Variants in LAMA2 observed in about 807,000 individuals in gnomAD.
LAMA2 encodes laminin subunit alpha 2.
In LAMA2, 269 loss-of-function variants were observed where a neutral mutation model predicts 364.8. The ratio of observed to expected loss-of-function variants is 0.74; its 90% confidence interval spans 0.67 to 0.82. LAMA2 has a LOEUF of 0.82. LAMA2 is among the 40% of genes least tolerant of loss of function. The pLI, the probability that LAMA2 is intolerant of heterozygous loss-of-function variation, is 0.00. For missense variants in LAMA2, 3,807 were observed against 3,873.2 expected, an observed-to-expected ratio of 0.98 and a Z score of 0.45; for synonymous variants, 1,379 against 1,370.6, an observed-to-expected ratio of 1.01 and a Z score of -0.14.
At chr6:129,024,314 A>G (rs1350157710) in intron 1 of LAMA2, among the ~76,000 whole-genome samples, 1 of 151,566 alleles carries the variant, frequency 6.6e-6, no homozygotes, top group African/African-American at 2.4e-5. Context: ...TTCCTAGAGG[A>G]AACAGAGTTA....
rs546421299 is a variant in LAMA2 at position 129,199,112 on chromosome 6, TAAC to T, written c.1782+6263_1782+6265del. On this transcript the variant is annotated intron_variant, in intron 12 of 64. Transcript: ENST00000421865. ...GATGAAAATATCCTAAATAAAATAT[TAAC>T]AACCCAAATCCATCAGTTTATAAAA... Among the ~76,000 whole-genome samples, 513 of 152,198 alleles carry T rather than the reference TAAC, an allele frequency of 3.4e-3. 5 individuals carry two copies. The highest frequency in any genetic ancestry group is 0.012 in the African/African-American group (484 of 41,550).
At chr6:129,314,913 T>C in intron 24 of LAMA2, 115 bp downstream of exon 24, 1 of 1,063,938 alleles carries the variant, frequency 9.4e-7, no homozygotes, top group Non-Finnish European at 1.4e-6. Context: ...AACCTTTTCC[T>C]CTGTGAACAT....
intron 28 of LAMA2, among the ~76,000 whole-genome samples, chr6:129,326,900 A>T (rs1775339171): frequency 6.6e-6 from 1 of 150,446 alleles, no homozygotes; most frequent in African/African-American, 2.4e-5. Context: ...AACCACTTTT[A>T]AATAGATCTT....
intron 1 of LAMA2, among the ~76,000 whole-genome samples, chr6:128,989,787 G>C (rs1455751872): frequency 6.6e-6 from 1 of 152,198 alleles, no homozygotes; most frequent in African/African-American, 2.4e-5. Context: ...TATAAGCAAA[G>C]ATAATTTATT....
Position 129,297,562 on chromosome 6 carries a change from CA to C in LAMA2, c.2857-122del, listed in dbSNP as rs1350645260. 29 of 846,524 alleles carry C rather than the reference CA, an allele frequency of 3.4e-5. No individual in the cohort carries two copies. The Middle Eastern group carries it at 1.0e-3, about 29-fold the overall frequency. 52.4% of individuals were successfully genotyped at this position (846,524 alleles called of 1,614,324 possible). On this transcript the variant is annotated intron_variant, in intron 20 of 64. Transcript: ENST00000421865. Reference sequence around the variant, plus strand: ...AATGAAAACCCAATTGTCATAACATCAGTGAGGAATCCTGATAACTCCTAAG... The same window carrying C: ...AATGAAAACCCAATTGTCATAACATCGTGAGGAATCCTGATAACTCCTAAG...
chr6:128,940,106 T>G (rs1562852270), intron 1 of LAMA2, among the ~76,000 whole-genome samples: 3 of 152,200 alleles, frequency 2.0e-5, no homozygotes, highest in East Asian at 1.9e-4. Context: ...TAATGGATTT[T>G]TTTTTGTTTG....
chr6:129,445,526 A>G, intron 44 of LAMA2, 141 bp from the exon 45 acceptor site: 1 of 710,750 alleles, frequency 1.4e-6, no homozygotes, highest in Non-Finnish European at 2.5e-6. Flanking sequence ...ATTTGCCATC[A>G]CACATTTTGC....
intron 1 of LAMA2, among the ~76,000 whole-genome samples, chr6:128,997,144 G>A (rs1784000428): frequency 6.6e-6 from 1 of 151,914 alleles, no homozygotes; most frequent in South Asian, 2.1e-4. Flanking sequence ...AGGGGTGGGA[G>A]GCAAGGGGAG....
chr6:129,328,132 AAAATCGGCACTTGCGTTTGTAAGTGATGT>A (rs1363909451), intron 28 of LAMA2, 117 bp from the exon 29 acceptor site: 1 of 749,960 alleles, frequency 1.3e-6, no homozygotes, highest in Non-Finnish European at 2.4e-6. Context: ...ATTAAGTATC[AAAATCGGCACTTGCGTTTGTAAGTGATGT>A]TGCCCCTGCC....
chr6:128,915,883 A>AT (rs1313550655), intron 1 of LAMA2, among the ~76,000 whole-genome samples: 4 of 152,216 alleles, frequency 2.6e-5, no homozygotes, highest in Non-Finnish European at 5.9e-5. Context: ...TCATTTGGTG[A>AT]TTAGTCTACC....
At chr6:129,098,536 A>G (rs1775323324) in intron 4 of LAMA2, 121 bp downstream of exon 4, 6 of 1,176,994 alleles carry the variant, frequency 5.1e-6, no homozygotes, top group Non-Finnish European at 7.4e-6. Context: ...TAGCAAAAGT[A>G]CATTTAAATG....
chr6:129,168,642 A>T (rs1304862350), intron 9 of LAMA2, among the ~76,000 whole-genome samples: 1 of 145,250 alleles, frequency 6.9e-6, no homozygotes, highest in Non-Finnish European at 1.5e-5. Context: ...TGACTTGGCG[A>T]TGCGGGCTCT....
chr6:128,915,910 A>T (rs1778283540), intron 1 of LAMA2, among the ~76,000 whole-genome samples: 1 of 152,210 alleles, frequency 6.6e-6, no homozygotes. Context: ...TAATGATGAG[A>T]GATAACCTAT....
At chr6:129,274,100 T>G (rs1788126955) in intron 17 of LAMA2, among the ~76,000 whole-genome samples, 1 of 151,848 alleles carries the variant, frequency 6.6e-6, no homozygotes, top group African/African-American at 2.4e-5. Context: ...CCTAGAAGTT[T>G]TGTGAGAGGG....
chr6:129,129,286 T>G (rs1045639098), intron 4 of LAMA2, among the ~76,000 whole-genome samples: 1 of 152,206 alleles, frequency 6.6e-6, no homozygotes, highest in African/African-American at 2.4e-5. Context: ...CCAAAATAAT[T>G]ATTTTGAAAG....
intron 1 of LAMA2, among the ~76,000 whole-genome samples, chr6:129,010,123 A>AT (rs1429445327): frequency 6.6e-6 from 1 of 152,196 alleles, no homozygotes; most frequent in Non-Finnish European, 1.5e-5. Flanking sequence ...TGGCTACTGA[A>AT]GGGGTTTGTT....
At chr6:129,023,436 T>G (rs974760291) in intron 1 of LAMA2, among the ~76,000 whole-genome samples, 3 of 152,202 alleles carry the variant, frequency 2.0e-5, no homozygotes, top group Non-Finnish European at 4.4e-5. Flanking sequence ...AGTCTGATTG[T>G]GTACTTGCAA....
chr6:129,356,343 T>C (rs1278245129), intron 32 of LAMA2, among the ~76,000 whole-genome samples: 2 of 152,088 alleles, frequency 1.3e-5, no homozygotes, highest in Non-Finnish European at 2.9e-5. Context: ...TTCCAGGCAT[T>C]CTCTAAAGTC....
intron 18 of LAMA2, 78 bp downstream of exon 18, chr6:129,280,225 CA>C: frequency 1.1e-6 from 1 of 935,920 alleles, no homozygotes; most frequent in Non-Finnish European, 1.8e-6. Flanking sequence ...TCATCCTTTG[CA>C]TCATCCTTTG....
Sources: allele counts gnomAD v4.1 joint callset (sites outside exome capture counted in the v4.1 genomes callset), GRCh38; gene constraint gnomAD v4.1.1; transcripts MANE v1.5; gene names NCBI Gene and HGNC (gene_info 2026-07-23, HGNC 2026-07-21).